The following GRK7 variants were observed in gnomAD, a reference collection of about 807,000 sequenced individuals.
GRK7 encodes G protein-coupled receptor kinase 7.
A neutral mutation model predicts 34.1 loss-of-function variants in GRK7; 24 were observed. That is an observed-to-expected ratio of 0.70 (90% CI 0.51 to 0.99). The LOEUF (loss-of-function observed/expected upper bound fraction) is 0.99, where lower values mean the gene tolerates loss of function less well. Ranked by LOEUF, GRK7 falls within the 50% of genes least tolerant of loss-of-function variation. The pLI is 0.00. For missense variants in GRK7, 644 were observed against 707.3 expected (o/e 0.91, Z 1.02); for synonymous variants, 256 against 279.4 (o/e 0.92, Z 0.84).
intron 4 of GRK7, among the ~76,000 whole-genome samples, chr3:141,800,780 A>T (rs954864157): frequency 2.6e-5 from 4 of 152,212 alleles, no homozygotes; most frequent in African/African-American, 9.6e-5. Context: ...TTTGCCTGAG[A>T]AGTGGCGAGG....
chr3:141,769,699 G>T (rs2084607239), intron 1 of GRK7, among the ~76,000 whole-genome samples: 1 of 152,062 alleles, frequency 6.6e-6, no homozygotes, highest in African/African-American at 2.4e-5. Context: ...TTCTGGCCAG[G>T]CTCTGCTAAT....
intron 1 of GRK7, among the ~76,000 whole-genome samples, chr3:141,770,994 C>CAAAAAAA (rs55988355): frequency 4.7e-5 from 4 of 84,766 alleles, no homozygotes; most frequent in Non-Finnish European, 4.6e-5. Context: ...TACCCAGTCT[C>CAAAAAAA]AAAAAAAAAA....
chr3:141,778,650 G>A lies in GRK7; in HGVS notation c.366G>A (p.Pro122=), dbSNP rs200056259. 8.8e-5 allele frequency: 142 copies of A among 1,613,158 alleles called. No homozygotes were observed. The East Asian group carries it at 3.0e-3, about 34-fold the overall frequency. ...CGAGTGCCCCTGCCCCGGGGAACCC[G>A]CAACCCTTCCTCAGCCAGGCCGTGG... is the stretch of plus-strand genomic sequence containing the variant. ...TCASAPAPGN[P]QPFLSQAVAT... is the part of the protein sequence containing the mutation. Residue 122 remains proline (P), a synonymous_variant, in exon 3 of 6, where the codon CCG becomes CCA. Coordinates refer to ENST00000682958, the MANE Select transcript of GRK7 (RefSeq NM_139209.3). The surrounding 1 kb of genome is among the most constrained non-coding windows in gnomAD (Gnocchi z 4.1).
At chr3:141,771,424 A>G (rs1262492312) in intron 1 of GRK7, among the ~76,000 whole-genome samples, 1 of 135,054 alleles carries the variant, frequency 7.4e-6, no homozygotes, top group Non-Finnish European at 1.6e-5. Context: ...TAGAGAGTAG[A>G]ATAATAAACA....
intron 2 of GRK7, among the ~76,000 whole-genome samples, chr3:141,776,925 T>C (rs2084642476): frequency 6.6e-6 from 1 of 152,208 alleles, no homozygotes; most frequent in South Asian, 2.1e-4. Flanking sequence ...CACAGGTTGT[T>C]ATTTTTGGAG....
Position 141,778,248 on chromosome 3 carries a change from C to G in GRK7, c.-37C>G, listed in dbSNP as rs182834100. The G allele has an allele frequency of 3.3e-6, 5 of 1,526,502 alleles. No homozygotes were observed. The East Asian group carries it at 1.1e-4, about 35-fold the overall frequency. 94.6% of individuals were successfully genotyped at this position (1,526,502 alleles called of 1,614,324 possible). A position where few individuals can be genotyped will look rare whatever the true frequency, so the allele number is the denominator to read the frequency against. On this transcript the variant is annotated 5_prime_UTR_variant, in exon 3 of 6. Coordinates refer to ENST00000682958, the MANE Select transcript of GRK7 (RefSeq NM_139209.3). The surrounding 1 kb of genome is among the most constrained non-coding windows in gnomAD (Gnocchi z 4.1). Reference sequence around the variant, plus strand: ...AAGCAGCCAGCAGCCCTCCAGCCCTCTTGTGCTTTCCCTGGGAGTGCGCCC... The same window carrying G: ...AAGCAGCCAGCAGCCCTCCAGCCCTGTTGTGCTTTCCCTGGGAGTGCGCCC...
chr3:141,753,116 A>C, the GRK7 span, among the ~76,000 whole-genome samples: 2 of 152,246 alleles, frequency 1.3e-5, no homozygotes, highest in African/African-American at 4.8e-5. Context: ...GTCCGAATGC[A>C]GGCAGTCTGG....
rs2084568540 is a variant in GRK7 at position 141,763,941 on chromosome 3, A to C, written c.-2012A>C. Among the ~76,000 whole-genome samples the C allele has an allele frequency of 6.6e-6, 1 of 152,124 alleles. No individual in the cohort carries two copies. The highest frequency in any genetic ancestry group is 1.5e-5 in the Non-Finnish European group (1 of 68,020). On this transcript the variant is annotated 5_prime_UTR_variant, in exon 1 of 6. Coordinates refer to ENST00000682958, the MANE Select transcript of GRK7 (RefSeq NM_139209.3). ...CCCCAAGGACACTGTTTCTTCTGCA[A>C]CACTTCTGCTCCCCTCATCCAACTG...
At chr3:141,766,069 A>G (rs1375094974) in intron 1 of GRK7, among the ~76,000 whole-genome samples, 2 of 152,196 alleles carry the variant, frequency 1.3e-5, no homozygotes, top group African/African-American at 2.4e-5. Flanking sequence ...ACTATTGTTT[A>G]TAAAAGTTGG....
intron 5 of GRK7, among the ~76,000 whole-genome samples, chr3:141,815,234 TGTTTG>T (rs1559849432): frequency 4.8e-5 from 1 of 20,664 alleles, no homozygotes; most frequent in Admixed American, 5.4e-4. Flanking sequence ...TGGTTTTTTT[TGTTTG>T]TTTGTTTGTT....
intron 1 of GRK7, among the ~76,000 whole-genome samples, chr3:141,771,371 C>G (rs577420513): frequency 6.6e-6 from 1 of 152,240 alleles, no homozygotes; most frequent in South Asian, 2.1e-4. Context: ...ACAGCATGTA[C>G]TCTCTCAATA....
chr3:141,780,216 ACTGTAG>A (rs1284065156), intron 3 of GRK7, among the ~76,000 whole-genome samples, 152 bp from the exon 4 acceptor site: 9 of 152,114 alleles, frequency 5.9e-5, no homozygotes, highest in Non-Finnish European at 2.9e-5. Flanking sequence ...GGAGTATCGC[ACTGTAG>A]TCCCCACTTT....
Position 141,803,192 on chromosome 3 carries a change from C to T in GRK7, c.1051-4453C>T, listed in dbSNP as rs375886762. Among the ~76,000 whole-genome samples, 10 of 147,122 alleles carry T rather than the reference C, an allele frequency of 6.8e-5. No homozygotes were observed. In the East Asian group the frequency reaches 1.6e-3, roughly 24 times the overall value. ...CTGTAATCCCAGCACTTTGGAAGGCCAAAGAGGATGGATCACCTGAGGTCA... is the reference window on the plus strand; with the variant it reads ...CTGTAATCCCAGCACTTTGGAAGGCTAAAGAGGATGGATCACCTGAGGTCA... On this transcript the variant is annotated intron_variant, in intron 4 of 5. Transcript: ENST00000682958.
intron 5 of GRK7, among the ~76,000 whole-genome samples, chr3:141,810,746 C>T (rs879849633): frequency 6.6e-6 from 1 of 152,062 alleles, no homozygotes; most frequent in East Asian, 1.9e-4. Context: ...CGATCCCACA[C>T]ACTTCACACA....
At chr3:141,784,960 G>T (rs568737185) in intron 4 of GRK7, among the ~76,000 whole-genome samples, 3 of 152,180 alleles carry the variant, frequency 2.0e-5, no homozygotes, top group Non-Finnish European at 4.4e-5. Context: ...GCGATGCCCT[G>T]AGCCATCTCA....
rs1257519865 is a variant in GRK7 at position 141,807,763 on chromosome 3, C to A, written c.1169C>A (p.Pro390Gln). The change falls in exon 5 of 6, where the codon CCA becomes CAA. Residue 390 changes from proline (P) to glutamine (Q), a missense_variant. Transcript: ENST00000682958. ...SIYEMVAGRTPFKDYKEKVSK... is the reference protein window; with the variant it reads ...SIYEMVAGRTQFKDYKEKVSK... Reference sequence around the variant, plus strand: ...TATGAAATGGTTGCTGGACGAACACCATTCAAAGATTACAAGGAAAAGGTC... The same window carrying A: ...TATGAAATGGTTGCTGGACGAACACAATTCAAAGATTACAAGGAAAAGGTC... The A allele has an allele frequency of 6.2e-7, 1 of 1,614,138 alleles. No homozygotes were observed. The highest frequency in any genetic ancestry group is 1.1e-5 in the South Asian group (1 of 91,084).
rs527893536 is a variant in GRK7, at chr3:141,819,112, A to G, written c.*2062A>G. On this transcript the variant is annotated 3_prime_UTR_variant, in exon 6 of 6. Coordinates refer to ENST00000682958, the MANE Select transcript of GRK7 (RefSeq NM_139209.3). ...AAGTTTTGAACAAGTCCCTTTTAAC[A>G]AAAAAACTGATTGGTGATTAACAGA... is the stretch of plus-strand genomic sequence containing the variant. Among the ~76,000 whole-genome samples, 5 of 152,268 alleles carry G rather than the reference A, an allele frequency of 3.3e-5. No homozygotes were observed. The South Asian group carries it at 1.0e-3, about 32-fold the overall frequency.
At chr3:141,771,409 G>A (rs557209979) in intron 1 of GRK7, among the ~76,000 whole-genome samples, 1 of 151,614 alleles carries the variant, frequency 6.6e-6, no homozygotes, top group East Asian at 1.9e-4. Context: ...GTGTACATAT[G>A]TACTTAGAGA....
At position 141,816,847 on chromosome 3, in the gene GRK7, G is replaced by T. The variant is rs765315349; in HGVS notation, c.1459G>T (p.Asp487Tyr). The change falls in exon 6 of 6, where the codon GAT (aspartate) becomes TAT (tyrosine). Residue 487 changes from aspartate (D) to tyrosine (Y), a missense_variant. Coordinates refer to ENST00000682958, the MANE Select transcript of GRK7 (RefSeq NM_139209.3). ...VVYAKDIAEI[D>Y]DFSEVRGVEF... is the part of the protein sequence containing the mutation. ...TTATGCCAAAGACATCGCTGAAATTGATGATTTCTCTGAGGTTCGGGGGGT... is the reference window on the plus strand; with the variant it reads ...TTATGCCAAAGACATCGCTGAAATTTATGATTTCTCTGAGGTTCGGGGGGT... 1.6e-5 allele frequency: 26 copies of T among 1,613,908 alleles called. No individual in the cohort carries two copies. Among genetic ancestry groups the T allele is most frequent in the Non-Finnish European group, 2.1e-5 (25 of 1,179,962 alleles).
Sources: gnomAD v4.1 joint callset for allele counts (sites outside exome capture counted in the v4.1 genomes callset) on GRCh38, gnomAD v4.1.1 for gene constraint, Gnocchi (gnomAD v3.1) non-coding constraint, MANE v1.5 for transcripts, NCBI Gene and HGNC (gene_info 2026-07-23, HGNC 2026-07-21) for gene names.